VWA8: variants seen among roughly 807,000 people sequenced by gnomAD.
VWA8 encodes the protein von Willebrand factor A domain-containing protein 8.
Under a neutral mutation model 241.5 loss-of-function variants are expected in VWA8, and 221 were observed. That is an observed-to-expected ratio of 0.91 (90% confidence interval 0.82 to 1.02). The LOEUF is 1.02. Ranked by LOEUF, VWA8 falls within the 50% of genes least tolerant of loss-of-function variation. The pLI is 0.00. For synonymous variants in VWA8, 852 were observed against 827.1 expected, an observed-to-expected ratio of 1.03 and a Z score of -0.52; for missense variants, 2,322 against 2,328.7, an observed-to-expected ratio of 1.00 and a Z score of 0.06.
Position 41,675,315 on chromosome 13 carries a change from A to G in VWA8, c.4328-19T>C, listed in dbSNP as rs1003605636. On this transcript the variant is annotated intron_variant, in intron 35 of 44. Coordinates refer to ENST00000379310, the MANE Select transcript of VWA8 (RefSeq NM_015058.2). ...GTAACATCTACAAACAAGTCATGAC[A>G]TGAGCCAAGTATTAAATTACTGCAA... The G allele has an allele frequency of 2.5e-6, 4 of 1,578,910 alleles. No individual in the cohort carries two copies. In the African/African-American group the frequency reaches 5.4e-5, roughly 21 times the overall value.
intron 35 of VWA8, among the ~76,000 whole-genome samples, chr13:41,678,724 A>G (rs1358112849): frequency 2.0e-5 from 3 of 152,140 alleles, no homozygotes; most frequent in Admixed American, 2.0e-4. Flanking sequence ...TACTTTGCTA[A>G]TTAATTCCTT....
intron 12 of VWA8, chr13:41,864,593 A>C (rs541134148): frequency 2.3e-6 from 1 of 443,064 alleles, no homozygotes. Context: ...GACAAAAATT[A>C]TATGATTCCA....
intron 37 of VWA8, among the ~76,000 whole-genome samples, chr13:41,616,466 TAAAC>T (rs2044620635): frequency 6.6e-6 from 1 of 152,166 alleles, no homozygotes; most frequent in Non-Finnish European, 1.5e-5. Context: ...CCTGTTTTCT[TAAAC>T]AAGCAAGATA....
intron 37 of VWA8, among the ~76,000 whole-genome samples, chr13:41,623,617 G>A (rs2044671182): frequency 6.6e-6 from 1 of 152,130 alleles, no homozygotes; most frequent in African/African-American, 2.4e-5. Flanking sequence ...TATTACAGTT[G>A]CCCACTATCT....
intron 9 of VWA8, among the ~76,000 whole-genome samples, chr13:41,873,845 C>T (rs1236965857): frequency 1.3e-5 from 2 of 151,990 alleles, no homozygotes; most frequent in African/African-American, 2.4e-5. Context: ...GAGGCCAGCA[C>T]CATCCTGATA....
chr13:41,688,203 T>A lies in VWA8; in HGVS notation c.4131+1151A>T, dbSNP rs556932537. On this transcript the variant is annotated intron_variant, in intron 34 of 44. Coordinates refer to ENST00000379310, the MANE Select transcript of VWA8 (RefSeq NM_015058.2). ...ACATACATCAGAGTCCTAAGCCACA[T>A]TATCCATTGAGTTTTAGATTTCAAA... 3.3e-5 allele frequency among the ~76,000 whole-genome samples: 5 copies of A among 152,238 alleles called. No individual in the cohort carries two copies. In the South Asian group the frequency reaches 1.0e-3, roughly 32 times the overall value.
intron 20 of VWA8, among the ~76,000 whole-genome samples, chr13:41,762,072 G>A (rs1393480700): frequency 1.3e-5 from 2 of 152,042 alleles, no homozygotes; most frequent in Admixed American, 1.3e-4. Context: ...TGCAAATTCT[G>A]AAACTTTTTG....
At chr13:41,806,749 A>G (rs1205134415) in intron 17 of VWA8, among the ~76,000 whole-genome samples, 5 of 151,986 alleles carry the variant, frequency 3.3e-5, no homozygotes, top group Admixed American at 2.6e-4. Context: ...GTGGTGGCAC[A>G]TGCCTGAAAT....
chr13:41,661,953 A>T (rs991931192), intron 37 of VWA8, among the ~76,000 whole-genome samples: 1 of 152,128 alleles, frequency 6.6e-6, no homozygotes, highest in Admixed American at 6.5e-5. Flanking sequence ...ACTGTTGGCA[A>T]TATGTCTGTG....
intron 10 of VWA8, among the ~76,000 whole-genome samples, 196 bp downstream of exon 10, chr13:41,868,150 A>C (rs1873396042): frequency 6.6e-6 from 1 of 152,162 alleles, no homozygotes; most frequent in African/African-American, 2.4e-5. Context: ...TTTTTGATGA[A>C]AGGCTTTCCC....
chr13:41,829,561 A>T (rs1036873335), intron 14 of VWA8, among the ~76,000 whole-genome samples: 1 of 141,220 alleles, frequency 7.1e-6, no homozygotes, highest in Non-Finnish European at 1.6e-5. Flanking sequence ...ACACACACAC[A>T]CACACATGCA....
chr13:41,945,519 A>C (rs1877810448), intron 2 of VWA8, among the ~76,000 whole-genome samples: 1 of 152,216 alleles, frequency 6.6e-6, no homozygotes, highest in African/African-American at 2.4e-5. Context: ...GAATTAAAAG[A>C]AATCATGTCT....
chr13:41,930,785 T>C (rs1877070784), intron 2 of VWA8, among the ~76,000 whole-genome samples: 1 of 152,162 alleles, frequency 6.6e-6, no homozygotes, highest in African/African-American at 2.4e-5. Flanking sequence ...TTCAAAAATT[T>C]TTAAAAATCT....
chr13:41,650,127 G>T (rs1259931615), intron 37 of VWA8, among the ~76,000 whole-genome samples: 1 of 151,928 alleles, frequency 6.6e-6, no homozygotes, highest in East Asian at 1.9e-4. Context: ...TAGATAATAG[G>T]AGAAATCTAT....
Position 41,913,688 on chromosome 13 carries a change from G to A in VWA8, c.242-1520C>T, listed in dbSNP as rs79668100. Reference sequence around the variant, plus strand: ...TCATTATTCTGATAGGAAGATCAAGGACAAGGTTTTGGGTAAATTGTTTGG... The same window carrying A: ...TCATTATTCTGATAGGAAGATCAAGAACAAGGTTTTGGGTAAATTGTTTGG... On this transcript the variant is annotated intron_variant, in intron 2 of 44. Transcript: ENST00000379310. Among the ~76,000 whole-genome samples, 955 of 152,200 alleles carry A rather than the reference G, an allele frequency of 6.3e-3. 9 individuals are homozygous for A. Among genetic ancestry groups the A allele is most frequent in the African/African-American group, 0.022 (912 of 41,538 alleles).
intron 2 of VWA8, among the ~76,000 whole-genome samples, chr13:41,922,977 C>G (rs1876630835): frequency 6.6e-6 from 1 of 152,206 alleles, no homozygotes; most frequent in African/African-American, 2.4e-5. Flanking sequence ...TATAAAGACA[C>G]ATGCACATGT....
chr13:41,811,904 T>G (rs553220972), intron 16 of VWA8, among the ~76,000 whole-genome samples: 1 of 152,212 alleles, frequency 6.6e-6, no homozygotes, highest in East Asian at 1.9e-4. Context: ...ATTCCACGAA[T>G]AGAGTTGCTA....
chr13:41,754,412 C>A (rs1343912903), intron 21 of VWA8, among the ~76,000 whole-genome samples: 1 of 152,116 alleles, frequency 6.6e-6, no homozygotes, highest in African/African-American at 2.4e-5. Flanking sequence ...GTCCAATAAA[C>A]CTGTAAATTG....
At position 41,851,048 on chromosome 13, in the gene VWA8, C is replaced by T. The variant is rs116313533; in HGVS notation, c.1425+14688G>A. Among the ~76,000 whole-genome samples, 561 of 152,290 alleles carry T rather than the reference C, an allele frequency of 3.7e-3. 3 individuals carry two copies. Among genetic ancestry groups the T allele is most frequent in the African/African-American group, 0.013 (530 of 41,572 alleles). ...AAGAACATTTCAGGTCTACTGTCTT[C>T]GCAATTTTTAAGTATACAATATGGT... On this transcript the variant is annotated intron_variant, in intron 12 of 44. Transcript: ENST00000379310.
Sources: allele counts gnomAD v4.1 joint callset (sites outside exome capture counted in the v4.1 genomes callset), GRCh38; gene constraint gnomAD v4.1.1; transcripts MANE v1.5; gene names NCBI Gene and HGNC (gene_info 2026-07-23, HGNC 2026-07-21).